The following SMOC2 variants were observed in gnomAD, a reference collection of about 807,000 sequenced individuals.
SMOC2 encodes SPARC-related modular calcium-binding protein 2.
A neutral mutation model predicts 61.4 loss-of-function variants in SMOC2; 39 were observed. The ratio of observed to expected loss-of-function variants is 0.64; its 90% CI spans 0.49 to 0.83. The LOEUF is 0.83. Among genes scored for constraint, SMOC2 ranks in the 40% least tolerant of loss-of-function variants. The pLI is 0.00. For synonymous variants in SMOC2, 247 were observed against 239.9 expected (o/e 1.03, Z -0.27); for missense variants, 556 against 592.9 (o/e 0.94, Z 0.65).
At position 168,604,070 on chromosome 6, in the gene SMOC2, G is replaced by A. The variant is rs189423486; in HGVS notation, c.825-4087G>A. The stretch of plus-strand genomic sequence containing the variant: ...GAGGCTGTCATCTGGCAATGTTGCC[G>A]AGGACATTCCCTCTCCCAAAGCCGC... On this transcript the variant is annotated intron_variant, in intron 8 of 12. Coordinates refer to ENST00000356284, the MANE Select transcript of SMOC2 (RefSeq NM_001166412.2). 1.1e-4 allele frequency among the ~76,000 whole-genome samples: 16 copies of A among 152,358 alleles called. No homozygotes were observed. In the East Asian group the frequency reaches 1.2e-3, roughly 11 times the overall value.
chr6:168,651,489 C>G (rs535151978), intron 10 of SMOC2, among the ~76,000 whole-genome samples: 1 of 152,274 alleles, frequency 6.6e-6, no homozygotes, highest in South Asian at 2.1e-4. Flanking sequence ...GATATTCCCC[C>G]TGATCTAGCC....
intron 1 of SMOC2, among the ~76,000 whole-genome samples, chr6:168,495,495 G>A (rs144203188): frequency 1.3e-5 from 2 of 152,286 alleles, no homozygotes; most frequent in South Asian, 2.1e-4. Context: ...AGTACAGATC[G>A]TAGATGTGGG....
chr6:168,459,570 CCT>C (rs1781669414), intron 1 of SMOC2, among the ~76,000 whole-genome samples: 11 of 124,480 alleles, frequency 8.8e-5, no homozygotes, highest in Admixed American at 1.7e-4. Context: ...GTGGGTGAGC[CCT>C]GGGGTGGATG....
chr6:168,565,690 G>C (rs972036782), intron 7 of SMOC2, among the ~76,000 whole-genome samples: 3 of 152,186 alleles, frequency 2.0e-5, no homozygotes, highest in South Asian at 2.1e-4. Context: ...TCAATAAAAG[G>C]CTCAGCATGG....
intron 11 of SMOC2, among the ~76,000 whole-genome samples, chr6:168,658,142 C>T (rs891337859): frequency 8.5e-5 from 13 of 152,112 alleles, no homozygotes; most frequent in African/African-American, 3.1e-4. Context: ...CAGCTGGGGC[C>T]AGGGAACCAT....
At chr6:168,599,760 T>TC (rs140201296) in intron 8 of SMOC2, among the ~76,000 whole-genome samples, 39,273 of 71,828 alleles carry the variant, frequency 0.55, 9,117 homozygotes, top group Middle Eastern at 0.59. Flanking sequence ...ACTCATACAA[T>TC]CCCCCAAACA....
At chr6:168,541,419 C>G (rs1210056150) in intron 4 of SMOC2, among the ~76,000 whole-genome samples, 3 of 152,204 alleles carry the variant, frequency 2.0e-5, no homozygotes, top group Admixed American at 2.0e-4. Flanking sequence ...AGCCGGCAAT[C>G]TTGCTTGTTA....
chr6:168,599,449 G>C (rs1419438066), intron 8 of SMOC2, among the ~76,000 whole-genome samples: 3 of 30,266 alleles, frequency 9.9e-5, no homozygotes, highest in African/African-American at 2.9e-4. Context: ...ACACACATTC[G>C]TACCCCCACA....
intron 9 of SMOC2, among the ~76,000 whole-genome samples, chr6:168,613,489 T>C (rs1438581286): frequency 6.6e-6 from 1 of 152,156 alleles, no homozygotes; most frequent in Admixed American, 6.5e-5. Context: ...GTCTAAGAAA[T>C]GGTCTTTATT....
At chr6:168,480,306 A>G (rs777175807) in intron 1 of SMOC2, among the ~76,000 whole-genome samples, 1 of 152,184 alleles carries the variant, frequency 6.6e-6, no homozygotes, top group Non-Finnish European at 1.5e-5. Flanking sequence ...TAGCAGATCT[A>G]CTTGACAAAC....
chr6:168,600,434 C>CAAAAAAAAAAAA (rs965875287), intron 8 of SMOC2, among the ~76,000 whole-genome samples: 1 of 25,380 alleles, frequency 3.9e-5, no homozygotes, highest in Non-Finnish European at 1.0e-4. Flanking sequence ...AAAAAAAAAA[C>CAAAAAAAAAAAA]AAAAAAAAAA....
intron 4 of SMOC2, among the ~76,000 whole-genome samples, chr6:168,541,223 C>T (rs1022162867): frequency 6.6e-6 from 1 of 152,194 alleles, no homozygotes; most frequent in Non-Finnish European, 1.5e-5. Flanking sequence ...CAAATGGGAG[C>T]AATTCAGATG....
chr6:168,483,463 C>T (rs1341193287), intron 1 of SMOC2, among the ~76,000 whole-genome samples: 1 of 152,192 alleles, frequency 6.6e-6, no homozygotes, highest in African/African-American at 2.4e-5. Context: ...GGAAACACAT[C>T]CCACGTTCAT....
chr6:168,612,962 C>CG (rs2115212806), intron 9 of SMOC2, among the ~76,000 whole-genome samples: 1 of 152,304 alleles, frequency 6.6e-6, no homozygotes, highest in Non-Finnish European at 1.5e-5. Context: ...GCCTAGAGTG[C>CG]AGGGTTTCCT....
intron 1 of SMOC2, among the ~76,000 whole-genome samples, chr6:168,467,957 T>C (rs1336361785): frequency 6.6e-6 from 1 of 152,260 alleles, no homozygotes; most frequent in East Asian, 1.9e-4. Flanking sequence ...TTGTATACTA[T>C]AAAACTGTAG....
intron 9 of SMOC2, among the ~76,000 whole-genome samples, chr6:168,620,587 T>C (rs1786216975): frequency 6.6e-6 from 1 of 152,162 alleles, no homozygotes; most frequent in South Asian, 2.1e-4. Flanking sequence ...TTGTAAACTC[T>C]TTTCCAGACT....
chr6:168,517,091 C>A (rs1176826998), intron 2 of SMOC2, among the ~76,000 whole-genome samples: 1 of 152,232 alleles, frequency 6.6e-6, no homozygotes, highest in Non-Finnish European at 1.5e-5. Context: ...GTTTTGGGGC[C>A]GCTCATCCAA....
intron 9 of SMOC2, 83 bp from the exon 10 acceptor site, chr6:168,650,598 G>A: frequency 7.4e-7 from 1 of 1,353,646 alleles, no homozygotes; most frequent in Non-Finnish European, 1.0e-6. Context: ...TTTCCAAACA[G>A]TAAAACAACA....
At chr6:168,471,271 C>T (rs953111884) in intron 1 of SMOC2, among the ~76,000 whole-genome samples, 4 of 152,136 alleles carry the variant, frequency 2.6e-5, no homozygotes, top group African/African-American at 7.2e-5. Context: ...CAGTTTGCTC[C>T]GAGAATTCTA....
Sources: allele counts gnomAD v4.1 joint callset (sites outside exome capture counted in the v4.1 genomes callset), GRCh38; gene constraint gnomAD v4.1.1; transcripts MANE v1.5; gene names NCBI Gene and HGNC (gene_info 2026-07-23, HGNC 2026-07-21).